The following TMEM116 variants were observed in gnomAD, a reference collection of about 807,000 sequenced individuals.
TMEM116 encodes the protein transmembrane protein 116.
In TMEM116, 38 loss-of-function variants were observed where a neutral mutation model predicts 44.3. The observed-to-expected ratio is 0.86, with a 90% CI of 0.66 to 1.12. The LOEUF (loss-of-function observed/expected upper bound fraction) is 1.12, where lower values mean the gene tolerates loss of function less well. TMEM116 is among the 50% of genes most tolerant of loss of function. The probability of loss-of-function intolerance (pLI) is 0.00; values close to 1 mark genes in which losing one functional copy is unlikely to be tolerated. For synonymous variants in TMEM116, 132 were observed against 144.8 expected (o/e 0.91, Z 0.64); for missense variants, 354 against 401.7 (o/e 0.88, Z 1.01).
chr12:111,949,163 T>C (rs2073525199), intron 4 of TMEM116, among the ~76,000 whole-genome samples: 5 of 151,674 alleles, frequency 3.3e-5, no homozygotes, highest in Admixed American at 3.3e-4. Context: ...AAACAAAATC[T>C]TTTTCTCTTA....
intron 4 of TMEM116, among the ~76,000 whole-genome samples, chr12:111,988,514 A>G (rs2136592105): frequency 6.6e-6 from 1 of 150,498 alleles, no homozygotes; most frequent in Middle Eastern, 3.4e-3. Flanking sequence ...TAACATGGTG[A>G]AACCCCATCT....
intron 4 of TMEM116, among the ~76,000 whole-genome samples, chr12:111,981,578 C>T (rs1482915481): frequency 6.6e-6 from 1 of 152,122 alleles, no homozygotes; most frequent in Admixed American, 6.6e-5. Context: ...CAGGAGTGGC[C>T]TCAAAGACAG....
chr12:111,971,965 C>T (rs915886646), intron 4 of TMEM116, among the ~76,000 whole-genome samples: 1 of 150,136 alleles, frequency 6.7e-6, no homozygotes, highest in Admixed American at 6.7e-5. Context: ...GTCCTACCAA[C>T]TTAAGGAAGC....
rs1225023071 is a variant in TMEM116 at position 111,934,002 on chromosome 12, T to C, written c.617A>G (p.Tyr206Cys). The change falls in exon 9 of 11, where the codon TAT (tyrosine) becomes TGT (cysteine). Residue 206 changes from tyrosine (Y) to cysteine (C), a missense_variant. Physicochemically the swap from Tyr to Cys is radical, Grantham distance 194 (BLOSUM62 -2). Transcript: ENST00000552374. ...MVLLIRAQTLYKKFVKSTGFL... is the reference protein window; with the variant it reads ...MVLLIRAQTLCKKFVKSTGFL... ...GCCAGTTGACTTCACAAACTTCTTA[T>C]ACAATGTCTGGGCTCGGATAAGTAA... 6.2e-7 allele frequency: 1 copy of C among 1,614,192 alleles called. No homozygotes were observed. Among genetic ancestry groups the C allele is most frequent in the African/African-American group, 1.3e-5 (1 of 75,050 alleles).
chr12:111,985,672 C>T (rs2076186336), intron 4 of TMEM116, among the ~76,000 whole-genome samples: 1 of 152,162 alleles, frequency 6.6e-6, no homozygotes, highest in African/African-American at 2.4e-5. Flanking sequence ...ACGGCAGCCT[C>T]AACCTCCTGG....
At chr12:111,972,840 C>T (rs1326714177) in intron 4 of TMEM116, among the ~76,000 whole-genome samples, 1 of 152,048 alleles carries the variant, frequency 6.6e-6, no homozygotes, top group African/African-American at 2.4e-5. Context: ...CGCTCCATTG[C>T]ACTGTAGCCT....
chr12:112,007,483 A>G (rs1402126571), intron 1 of TMEM116, among the ~76,000 whole-genome samples: 1 of 152,240 alleles, frequency 6.6e-6, no homozygotes, highest in Non-Finnish European at 1.5e-5. Flanking sequence ...ATTATAGTCT[A>G]TAGCGGAAGA....
intron 4 of TMEM116, among the ~76,000 whole-genome samples, chr12:111,987,509 C>CAA (rs35466717): frequency 0.012 from 1,059 of 91,640 alleles, 15 homozygotes; most frequent in African/African-American, 0.033. Context: ...TGTCCCCCCT[C>CAA]AAAAAAAAAA....
chr12:111,940,545 ACACACACACATATATATGTGTG>A lies in TMEM116; in HGVS notation c.316-2357_316-2336del, dbSNP rs1319681622. ...TGTGTATATATATATATATATATAT[ACACACACACATATATATGTGTG>A]TATATATATATATATATCTTCGGCT... On this transcript the variant is annotated intron_variant, in intron 5 of 10. Transcript: ENST00000552374. 7.8e-3 allele frequency among the ~76,000 whole-genome samples: 669 copies of A among 86,024 alleles called. 10 individuals carry two copies. Among genetic ancestry groups the A allele is most frequent in the African/African-American group, 0.056 (607 of 10,756 alleles). 56.4% of individuals were successfully genotyped at this position (86,024 alleles called of 152,430 possible). A position where few individuals can be genotyped will look rare whatever the true frequency, so the allele number is the denominator to read the frequency against.
At chr12:111,932,197 C>T (rs1207895423) in intron 10 of TMEM116, among the ~76,000 whole-genome samples, 2 of 152,072 alleles carry the variant, frequency 1.3e-5, no homozygotes, top group Non-Finnish European at 2.9e-5. Context: ...TCATTCCATC[C>T]CCTCCTCACC....
intron 4 of TMEM116, among the ~76,000 whole-genome samples, chr12:111,950,201 C>T (rs12315156): frequency 0.023 from 3,545 of 152,004 alleles, 147 homozygotes; most frequent in African/African-American, 0.08. Flanking sequence ...GTCTTGTGCC[C>T]GGGGTATGGG....
intron 4 of TMEM116, among the ~76,000 whole-genome samples, chr12:111,988,276 A>G (rs147623240): frequency 1.1e-4 from 17 of 152,334 alleles, no homozygotes; most frequent in African/African-American, 3.8e-4. Context: ...TGAATGTTTA[A>G]TATCACTGAA....
At chr12:111,971,946 G>T (rs952047905) in intron 4 of TMEM116, among the ~76,000 whole-genome samples, 1 of 151,760 alleles carries the variant, frequency 6.6e-6, no homozygotes, top group Non-Finnish European at 1.5e-5. Context: ...AGGTATGGTG[G>T]TTTTTGTAGT....
chr12:111,965,032 A>G (rs574949396), intron 4 of TMEM116, among the ~76,000 whole-genome samples: 1 of 152,254 alleles, frequency 6.6e-6, no homozygotes, highest in East Asian at 1.9e-4. Flanking sequence ...TTTTCTGTTC[A>G]AAGACTGGAA....
chr12:111,936,809 T>A lies in TMEM116; in HGVS notation c.471A>T (p.Pro157=). 1 of 1,609,346 alleles carries A rather than the reference T, an allele frequency of 6.2e-7. No individual in the cohort carries two copies. Among genetic ancestry groups the A allele is most frequent in the Non-Finnish European group, 8.5e-7 (1 of 1,177,748 alleles). ...QSHKCILMHS[P]PSAMAELPPS... ...GTGGAAGTTCAGCCATGGCTGATGG[T>A]GGTGAGTGCATCAAGATACACCTAG... Residue 157 remains proline (P), a synonymous_variant, in exon 8 of 11, where the codon CCA becomes CCT. Transcript: ENST00000552374.
chr12:111,990,891 G>A (rs192384118), intron 4 of TMEM116, among the ~76,000 whole-genome samples: 71 of 152,076 alleles, frequency 4.7e-4, no homozygotes, highest in African/African-American at 1.6e-3. Flanking sequence ...CTGGAAATAC[G>A]GTCACAATAT....
chr12:111,995,943 G>A (rs1227256081), intron 3 of TMEM116, among the ~76,000 whole-genome samples: 1 of 151,512 alleles, frequency 6.6e-6, no homozygotes, highest in Admixed American at 6.6e-5. Flanking sequence ...GGGAGTCTGA[G>A]GCAGGAGGAT....
At chr12:111,943,123 C>T (rs1304174144) in intron 5 of TMEM116, 142 bp downstream of exon 5, 3 of 689,608 alleles carry the variant, frequency 4.4e-6, no homozygotes, top group South Asian at 1.7e-5. Context: ...TGGGCTTTCA[C>T]CACTTGCCCA....
intron 4 of TMEM116, among the ~76,000 whole-genome samples, chr12:111,975,028 C>T (rs1430755420): frequency 6.6e-6 from 1 of 152,168 alleles, no homozygotes; most frequent in Admixed American, 6.5e-5. Flanking sequence ...CCAAACATAC[C>T]TTGTTCATGG....
Sources: allele counts gnomAD v4.1 joint callset (sites outside exome capture counted in the v4.1 genomes callset), GRCh38; gene constraint gnomAD v4.1.1; transcripts MANE v1.5; gene names NCBI Gene and HGNC (gene_info 2026-07-23, HGNC 2026-07-21).